Variants in OSBPL3 observed in about 807,000 individuals in gnomAD.
The protein encoded by OSBPL3 is oxysterol-binding protein-related protein 3.
A neutral mutation model predicts 120.1 loss-of-function variants in OSBPL3; 65 were observed. The ratio of observed to expected loss-of-function variants is 0.54; its 90% CI spans 0.44 to 0.67. OSBPL3 has a LOEUF of 0.67. Among genes scored for constraint, OSBPL3 ranks in the 30% least tolerant of loss-of-function variants. OSBPL3 has a pLI of 0.00. For synonymous variants in OSBPL3, 416 were observed against 402.6 expected (o/e 1.03, Z -0.40); for missense variants, 1,004 against 1,082.1 (o/e 0.93, Z 1.01).
chr7:24,944,309 T>C (rs1321128495), intron 1 of OSBPL3, among the ~76,000 whole-genome samples: 1 of 152,172 alleles, frequency 6.6e-6, no homozygotes, highest in Non-Finnish European at 1.5e-5. Context: ...AAGTTGGTGA[T>C]GTTAAGAAGA....
chr7:24,861,967 A>G (rs1342400906), intron 9 of OSBPL3, among the ~76,000 whole-genome samples, 198 bp from the exon 10 acceptor site: 1 of 151,328 alleles, frequency 6.6e-6, no homozygotes, highest in Non-Finnish European at 1.5e-5. Context: ...GCTCACTGCA[A>G]GCTCCACCTC....
intron 1 of OSBPL3, among the ~76,000 whole-genome samples, chr7:24,978,977 G>A (rs907039977): frequency 6.6e-6 from 1 of 152,246 alleles, no homozygotes; most frequent in East Asian, 1.9e-4. Flanking sequence ...GTATCTGGAC[G>A]ACCTGCGACA....
In OSBPL3 at chr7:24,918,065, C is replaced by T; in HGVS notation, c.-149-25444G>A. ...CTCTTACCTATAAAGGTTGGCTTAT[C>T]CTCGACGCACATAATGACAAGCACA... is the stretch of plus-strand genomic sequence containing the variant. On this transcript the variant is annotated intron_variant, in intron 1 of 22. Coordinates refer to ENST00000313367, the MANE Select transcript of OSBPL3 (RefSeq NM_015550.4). The surrounding 1 kb of genome is among the most constrained non-coding windows in gnomAD (Gnocchi z 4.3). 1.0e-6 allele frequency: 1 copy of T among 985,136 alleles called. No homozygotes were observed. Among genetic ancestry groups the T allele is most frequent in the African/African-American group, 1.7e-5 (1 of 57,342 alleles). The allele number at this position is 985,136 out of a possible 1,614,324, so 61.0% of individuals were successfully genotyped here.
rs549593013 is a variant in OSBPL3 at position 24,821,202 on chromosome 7, C to CTGCA, written c.1885-968_1885-965dup. Among the ~76,000 whole-genome samples the CTGCA allele has an allele frequency of 1.5e-4, 23 of 152,324 alleles. No individual in the cohort carries two copies. The East Asian group carries it at 2.3e-3, about 15-fold the overall frequency. On this transcript the variant is annotated intron_variant, in intron 16 of 22. Transcript: ENST00000313367. The surrounding 1 kb of genome is among the most constrained non-coding windows in gnomAD (Gnocchi z 5.5). ...ACATTGAGAGTATCTAGCTCAAAGC[C>CTGCA]TGCACCTTATAAACGAAGAGACTGA...
At position 24,958,699 on chromosome 7, in the gene OSBPL3, T is replaced by C. The variant is rs115495121; in HGVS notation, c.-150+21187A>G. ...CCAGATTATATTCTTCATCTTAGCA[T>C]TCCCTGTGATATTCAGCACATTCAC... is the stretch of plus-strand genomic sequence containing the variant. On this transcript the variant is annotated intron_variant, in intron 1 of 22. Coordinates refer to ENST00000313367, the MANE Select transcript of OSBPL3 (RefSeq NM_015550.4). Among the ~76,000 whole-genome samples the C allele has an allele frequency of 4.6e-3, 699 of 152,280 alleles. 11 individuals carry two copies. Among genetic ancestry groups the C allele is most frequent in the African/African-American group, 0.015 (615 of 41,568 alleles).
In OSBPL3 at chr7:24,892,396, G is replaced by C. The variant is rs148605038; in HGVS notation, c.77C>G (p.Ser26Cys). 6.2e-7 allele frequency: 1 copy of C among 1,613,328 alleles called. No homozygotes were observed. The highest frequency in any genetic ancestry group is 2.2e-5 in the East Asian group (1 of 44,866). ...CTTTACCTGTCGACTTCCTTGCTTG[G>C]AAGAGCAGCTACTTGTGCTCCTTGA... is the stretch of plus-strand genomic sequence containing the variant. ...SPSRSTSSCSSKQGSRQDSWE... is the reference protein window; with the variant it reads ...SPSRSTSSCSCKQGSRQDSWE... Residue 26 changes from serine to cysteine, a missense_variant, in exon 2 of 23, where the codon TCC (serine) becomes TGC (cysteine). Ser to Cys is a moderately radical substitution (Grantham distance 112, BLOSUM62 -1). Transcript: ENST00000313367.
chr7:24,924,537 T>A (rs1810801803), intron 1 of OSBPL3, among the ~76,000 whole-genome samples: 1 of 152,254 alleles, frequency 6.6e-6, no homozygotes, highest in African/African-American at 2.4e-5. Context: ...GTCATCTGGC[T>A]AAGCTTCTTC....
chr7:24,956,828 A>G (rs193242622), intron 1 of OSBPL3, among the ~76,000 whole-genome samples: 490 of 152,242 alleles, frequency 3.2e-3, no homozygotes, highest in African/African-American at 0.01. Context: ...CCCTTCAACC[A>G]TTATTAATTT....
chr7:24,865,219 G>A lies in OSBPL3; in HGVS notation c.673+123C>T, dbSNP rs1004141249. The A allele has an allele frequency of 2.3e-5, 24 of 1,041,988 alleles. 1 individual carries two copies. The African/African-American group carries it at 2.4e-4, about 10-fold the overall frequency. The allele number at this position is 1,041,988 out of a possible 1,614,324, so 64.5% of individuals were successfully genotyped here. On this transcript the variant is annotated intron_variant, in intron 7 of 22. Coordinates refer to ENST00000313367, the MANE Select transcript of OSBPL3 (RefSeq NM_015550.4). ...TTGATGATGGGTGCAACCTTTACAA[G>A]CAAAATATGGAAGGGAATGTGGACA...
In OSBPL3 at chr7:24,820,554, CAT is replaced by C. The variant is rs533396377; in HGVS notation, c.1885-318_1885-317del. Among the ~76,000 whole-genome samples, 4 of 152,280 alleles carry C rather than the reference CAT, an allele frequency of 2.6e-5. No homozygotes were observed. The South Asian group carries it at 6.2e-4, about 24-fold the overall frequency. On this transcript the variant is annotated intron_variant, in intron 16 of 22. Coordinates refer to ENST00000313367, the MANE Select transcript of OSBPL3 (RefSeq NM_015550.4). This position sits in a 1 kb window ranked among gnomAD's most constrained non-coding sequence, Gnocchi z 4.6. ...AAAGACATAAAAATAAAAACGGAGA[CAT>C]GTGAGGACTGCTCATCCATAACATA...
intron 1 of OSBPL3, among the ~76,000 whole-genome samples, chr7:24,943,636 A>G (rs1813354813): frequency 6.6e-6 from 1 of 152,228 alleles, no homozygotes; most frequent in Non-Finnish European, 1.5e-5. Context: ...AAGGAAACCC[A>G]TATACTATTA....
At chr7:24,853,618 A>C (rs1211057560) in intron 10 of OSBPL3, among the ~76,000 whole-genome samples, 1 of 152,218 alleles carries the variant, frequency 6.6e-6, no homozygotes, top group East Asian at 1.9e-4. Context: ...AAGTTGCTTC[A>C]ATGCTGTATT....
chr7:24,961,666 C>T (rs934818931), intron 1 of OSBPL3, among the ~76,000 whole-genome samples: 2 of 152,178 alleles, frequency 1.3e-5, no homozygotes, highest in African/African-American at 4.8e-5. Flanking sequence ...TCCCAGCCTC[C>T]AGAACTGAAT....
At chr7:24,887,515 A>T (rs1804706931) in intron 2 of OSBPL3, among the ~76,000 whole-genome samples, 1 of 152,224 alleles carries the variant, frequency 6.6e-6, no homozygotes, top group Non-Finnish European at 1.5e-5. Context: ...TCTTTTAGCC[A>T]CTGAAAACAC....
chr7:24,941,076 C>T (rs999353379), intron 1 of OSBPL3, among the ~76,000 whole-genome samples: 6 of 152,198 alleles, frequency 3.9e-5, no homozygotes, highest in Non-Finnish European at 5.9e-5. Flanking sequence ...GCCTTGGCCT[C>T]CCAAAGTGCT....
intron 14 of OSBPL3, among the ~76,000 whole-genome samples, chr7:24,840,214 AG>A (rs1797560826): frequency 6.6e-6 from 1 of 151,946 alleles, no homozygotes. Flanking sequence ...CTTTGCTTGT[AG>A]CGGGTCCTCT....
intron 1 of OSBPL3, among the ~76,000 whole-genome samples, chr7:24,944,571 A>G (rs1276474591): frequency 6.6e-6 from 1 of 151,292 alleles, no homozygotes; most frequent in East Asian, 1.9e-4. Context: ...CGGAGGTTGC[A>G]GTGAGCTGAG....
At chr7:24,825,261 G>C (rs371731378) in intron 16 of OSBPL3, among the ~76,000 whole-genome samples, 7 of 152,310 alleles carry the variant, frequency 4.6e-5, no homozygotes, top group African/African-American at 1.7e-4. Flanking sequence ...GCATCACATG[G>C]GAGAGAAAGT....
In OSBPL3 at chr7:24,959,206, C is replaced by T. The variant is rs1354597180; in HGVS notation, c.-150+20680G>A. Among the ~76,000 whole-genome samples the T allele has an allele frequency of 6.6e-6, 1 of 151,986 alleles. No homozygotes were observed. The highest frequency in any genetic ancestry group is 2.4e-5 in the African/African-American group (1 of 41,402). ...GCTAAACATATGTTAACTCTGTGAC[C>T]CAGCAATTCTACTCCTTGGTATATA... On this transcript the variant is annotated intron_variant, in intron 1 of 22. Coordinates refer to ENST00000313367, the MANE Select transcript of OSBPL3 (RefSeq NM_015550.4). The surrounding 1 kb of genome is among the most constrained non-coding windows in gnomAD (Gnocchi z 4.3).
Sources: gnomAD v4.1 joint callset for allele counts (sites outside exome capture counted in the v4.1 genomes callset) on GRCh38, gnomAD v4.1.1 for gene constraint, Gnocchi (gnomAD v3.1) non-coding constraint, MANE v1.5 for transcripts, NCBI Gene and HGNC (gene_info 2026-07-23, HGNC 2026-07-21) for gene names.